The following RIPOR3 variants were observed in gnomAD, a reference collection of about 807,000 sequenced individuals.
The protein encoded by RIPOR3 is family with sequence similarity 65 member C.
Under a neutral mutation model 114.3 loss-of-function variants are expected in RIPOR3, and 95 were observed. The ratio of observed to expected loss-of-function variants is 0.83; its 90% CI spans 0.70 to 0.99. RIPOR3 has a LOEUF of 0.99. Ranked by LOEUF, RIPOR3 falls within the 50% of genes least tolerant of loss-of-function variation. The probability of loss-of-function intolerance (pLI) is 0.00; values close to 1 mark genes in which losing one functional copy is unlikely to be tolerated. For missense variants in RIPOR3, 1,252 were observed against 1,266.9 expected (o/e 0.99, Z 0.18); for synonymous variants, 575 against 543.8 (o/e 1.06, Z -0.80).
chr20:50,589,037 G>A (rs1432652743), intron 20 of RIPOR3, among the ~76,000 whole-genome samples: 13 of 137,886 alleles, frequency 9.4e-5, no homozygotes, highest in Non-Finnish European at 1.4e-4. Flanking sequence ...AGCCGAGATC[G>A]CGCCACTGCA....
At chr20:50,637,475 T>C (rs2085028189) in intron 1 of RIPOR3, among the ~76,000 whole-genome samples, 1 of 152,134 alleles carries the variant, frequency 6.6e-6, no homozygotes, top group East Asian at 1.9e-4. Context: ...TTCAAATAAC[T>C]CATGGTTCTG....
At chr20:50,676,746 A>G (rs935371714) in intron 1 of RIPOR3, among the ~76,000 whole-genome samples, 1 of 149,254 alleles carries the variant, frequency 6.7e-6, no homozygotes, top group Non-Finnish European at 1.5e-5. Context: ...GGGTTTCTCT[A>G]TCAGTGCATC....
intron 4 of RIPOR3, among the ~76,000 whole-genome samples, chr20:50,612,329 C>T (rs1000036390): frequency 6.6e-6 from 1 of 152,038 alleles, no homozygotes; most frequent in Non-Finnish European, 1.5e-5. Flanking sequence ...AAAGCAGCCA[C>T]AGACAATATG....
chr20:50,598,512 G>C (rs1441741582), intron 13 of RIPOR3, among the ~76,000 whole-genome samples: 1 of 152,114 alleles, frequency 6.6e-6, no homozygotes, highest in Non-Finnish European at 1.5e-5. Context: ...GAGCCAAAGA[G>C]AAAATCTTGA....
At chr20:50,628,403 G>T (rs1457028883) in intron 2 of RIPOR3, among the ~76,000 whole-genome samples, 1 of 152,056 alleles carries the variant, frequency 6.6e-6, no homozygotes, top group African/African-American at 2.4e-5. Context: ...CTGCTGTCAC[G>T]CATGCCAGCC....
chr20:50,595,959 G>T lies in RIPOR3; in HGVS notation c.1914+181C>A, dbSNP rs555912569. On this transcript the variant is annotated intron_variant, in intron 15 of 21. Coordinates refer to ENST00000327979, the MANE Select transcript of RIPOR3 (RefSeq NM_001290268.2). ...GGCTTGGCCTGTGTAAGAGCCACAC[G>T]AGTATTCACCCAGACCCTGGTCTGC... is the stretch of plus-strand genomic sequence containing the variant. Among the ~76,000 whole-genome samples, 12 of 152,302 alleles carry T rather than the reference G, an allele frequency of 7.9e-5. No individual in the cohort carries two copies. In the South Asian group the frequency reaches 2.5e-3, roughly 32 times the overall value.
At chr20:50,671,379 T>G (rs2086477457) in intron 1 of RIPOR3, among the ~76,000 whole-genome samples, 1 of 151,474 alleles carries the variant, frequency 6.6e-6, no homozygotes, top group Non-Finnish European at 1.5e-5. Context: ...ACTTCCACCT[T>G]TCTCTCTCCC....
chr20:50,589,342 C>A (rs1455125597), intron 20 of RIPOR3, among the ~76,000 whole-genome samples: 1 of 146,086 alleles, frequency 6.8e-6, no homozygotes, highest in East Asian at 2.0e-4. Context: ...GAGTCTTGCT[C>A]TGTCACCCAG....
chr20:50,608,614 T>A lies in RIPOR3; in HGVS notation c.809A>T (p.Lys270Met). 6.2e-7 allele frequency: 1 copy of A among 1,613,976 alleles called. No individual in the cohort carries two copies. The highest frequency in any genetic ancestry group is 8.5e-7 in the Non-Finnish European group (1 of 1,179,862). Residue 270 changes from lysine (K) to methionine (M), a missense_variant and splice_region_variant, in exon 10 of 22, where the codon AAG (lysine) becomes ATG (methionine). Lys to Met is a moderately conservative substitution (Grantham distance 95, BLOSUM62 -1). Transcript: ENST00000327979. ...IPTLHENLDI[K>M]VTELRGLGSL... ...CCTGCCCCCGGGCCCCATCCCCACCTTGATGTCCAGGTTCTCATGCAGCGT... is the reference window on the plus strand; with the variant it reads ...CCTGCCCCCGGGCCCCATCCCCACCATGATGTCCAGGTTCTCATGCAGCGT...
At chr20:50,646,203 C>T (rs2085396050) in intron 1 of RIPOR3, among the ~76,000 whole-genome samples, 1 of 152,142 alleles carries the variant, frequency 6.6e-6, no homozygotes, top group Non-Finnish European at 1.5e-5. Flanking sequence ...TCACAGCTCA[C>T]TGCAACCTCA....
At chr20:50,685,103 G>A (rs1301011209) in intron 1 of RIPOR3, among the ~76,000 whole-genome samples, 1 of 152,032 alleles carries the variant, frequency 6.6e-6, no homozygotes, top group Admixed American at 6.6e-5. Context: ...TTGCTGGAAA[G>A]TGGGAGAGGC....
chr20:50,690,491 CCTT>C (rs960645958), intron 1 of RIPOR3, among the ~76,000 whole-genome samples: 2 of 152,204 alleles, frequency 1.3e-5, no homozygotes, highest in East Asian at 1.9e-4. Flanking sequence ...GCCTGTCACT[CCTT>C]CTGTCCCACC....
At chr20:50,611,927 C>CAA (rs2083992342) in intron 4 of RIPOR3, among the ~76,000 whole-genome samples, 3 of 152,092 alleles carry the variant, frequency 2.0e-5, no homozygotes, top group Admixed American at 1.3e-4. Context: ...AGTTTAAGTC[C>CAA]AGCCTGGCCA....
rs1212034627 is a variant in RIPOR3 at position 50,611,253 on chromosome 20, TTCC to T, written c.349-52_349-50del. 6 of 1,613,124 alleles carry T rather than the reference TTCC, an allele frequency of 3.7e-6. No individual in the cohort carries two copies. The African/African-American group carries it at 6.7e-5, about 18-fold the overall frequency. ...GAAGAAGCTGTCAGAGTCCCACATG[TTCC>T]TCCAAGGCCTATGAGGCTCTATGCT... On this transcript the variant is annotated intron_variant, in intron 4 of 21. Transcript: ENST00000327979.
intron 1 of RIPOR3, among the ~76,000 whole-genome samples, chr20:50,662,546 C>T (rs762822809): frequency 1.2e-4 from 19 of 152,184 alleles, no homozygotes; most frequent in Non-Finnish European, 2.4e-4. Context: ...TGAGACACAG[C>T]GCCCTAAGCT....
At chr20:50,655,086 C>T (rs187941260) in intron 1 of RIPOR3, among the ~76,000 whole-genome samples, 4 of 152,230 alleles carry the variant, frequency 2.6e-5, no homozygotes, top group South Asian at 2.1e-4. Flanking sequence ...AACTCATCAA[C>T]GAATTTCTCC....
chr20:50,678,534 A>C (rs923528078), intron 1 of RIPOR3, among the ~76,000 whole-genome samples: 1 of 152,214 alleles, frequency 6.6e-6, no homozygotes, highest in Non-Finnish European at 1.5e-5. Context: ...ACATACCTTA[A>C]GGGGTGGGTG....
At chr20:50,630,205 T>C (rs2084766983) in intron 2 of RIPOR3, among the ~76,000 whole-genome samples, 1 of 152,198 alleles carries the variant, frequency 6.6e-6, no homozygotes, top group South Asian at 2.1e-4. Flanking sequence ...TGACCTCAAG[T>C]GATCCGCCCG....
chr20:50,601,529 C>T lies in RIPOR3; in HGVS notation c.1659+543G>A, dbSNP rs12329466. Among the ~76,000 whole-genome samples the T allele has an allele frequency of 9.6e-3, 1,469 of 152,308 alleles. 24 individuals are homozygous for T. Among genetic ancestry groups the T allele is most frequent in the African/African-American group, 0.033 (1,381 of 41,554 alleles). The stretch of plus-strand genomic sequence containing the variant: ...TGTATTAGTAGGTACTAGTGGTATA[C>T]ATTTTTTTGATGTACATTCAAATTT... On this transcript the variant is annotated intron_variant, in intron 13 of 21. Transcript: ENST00000327979.
Sources: gnomAD v4.1 joint callset for allele counts (sites outside exome capture counted in the v4.1 genomes callset) on GRCh38, gnomAD v4.1.1 for gene constraint, MANE v1.5 for transcripts, NCBI Gene and HGNC (gene_info 2026-07-23, HGNC 2026-07-21) for gene names.